Variants in UNC5C observed in about 807,000 individuals in gnomAD.
UNC5C encodes the protein netrin receptor UNC5C.
A neutral mutation model predicts 99.8 loss-of-function variants in UNC5C; 47 were observed. The observed-to-expected ratio is 0.47, with a 90% confidence interval of 0.37 to 0.60. The LOEUF (loss-of-function observed/expected upper bound fraction) is 0.60. UNC5C is among the 20% of genes least tolerant of loss of function. The pLI, the probability that UNC5C is intolerant of heterozygous loss-of-function variation, is 0.00. For missense variants in UNC5C, 1,062 were observed against 1,165.9 expected, an observed-to-expected ratio of 0.91 and a Z score of 1.30; for synonymous variants, 487 against 452.2, an observed-to-expected ratio of 1.08 and a Z score of -0.98.
Position 95,407,329 on chromosome 4 carries a change from C to A in UNC5C, c.125-71698G>T, listed in dbSNP as rs555151437. Among the ~76,000 whole-genome samples, 31 of 151,950 alleles carry A rather than the reference C, an allele frequency of 2.0e-4. No homozygotes were observed. In the South Asian group the frequency reaches 6.2e-3, roughly 31 times the overall value. On this transcript the variant is annotated intron_variant, in intron 1 of 15. Transcript: ENST00000453304. ...GAAGATGCTAAAGGGTATGTTTCAC[C>A]AGCTGTGGGGAGTAAAACATACAAT...
intron 1 of UNC5C, among the ~76,000 whole-genome samples, chr4:95,446,748 C>T (rs1747118144): frequency 6.6e-6 from 1 of 151,632 alleles, no homozygotes; most frequent in Admixed American, 6.6e-5. Flanking sequence ...TAAAACTGTA[C>T]ACTAAAATGG....
At chr4:95,507,442 A>T (rs1404310899) in intron 1 of UNC5C, among the ~76,000 whole-genome samples, 1 of 152,026 alleles carries the variant, frequency 6.6e-6, no homozygotes, top group Non-Finnish European at 1.5e-5. Context: ...CCTTTTTTAC[A>T]GTGTTGCATG....
At chr4:95,242,200 C>A (rs1402096583) in intron 7 of UNC5C, among the ~76,000 whole-genome samples, 2 of 152,158 alleles carry the variant, frequency 1.3e-5, no homozygotes, top group African/African-American at 4.8e-5. Context: ...AACCCTTGCT[C>A]ATGAAAAAGC....
chr4:95,512,210 C>A (rs1722095359), intron 1 of UNC5C, among the ~76,000 whole-genome samples: 1 of 152,060 alleles, frequency 6.6e-6, no homozygotes, highest in Non-Finnish European at 1.5e-5. Flanking sequence ...GATGAGGGAA[C>A]ACACGAAAAT....
intron 1 of UNC5C, among the ~76,000 whole-genome samples, chr4:95,480,106 G>A (rs1466770227): frequency 6.6e-6 from 1 of 151,460 alleles, no homozygotes; most frequent in Non-Finnish European, 1.5e-5. Flanking sequence ...TCTTCAACTT[G>A]CTTACTGGAA....
intron 1 of UNC5C, among the ~76,000 whole-genome samples, chr4:95,492,062 G>T (rs889171578): frequency 6.6e-6 from 1 of 151,526 alleles, no homozygotes; most frequent in African/African-American, 2.4e-5. Flanking sequence ...GTGTGTGAGG[G>T]TGTGTGTGTA....
chr4:95,182,779 T>C, intron 14 of UNC5C, 118 bp downstream of exon 14: 10 of 1,111,096 alleles, frequency 9.0e-6, no homozygotes, highest in Non-Finnish European at 1.2e-5. Flanking sequence ...ATAGGATCTA[T>C]AGAAAGCTTT....
At chr4:95,270,828 G>A (rs748382547) in intron 4 of UNC5C, among the ~76,000 whole-genome samples, 6 of 152,152 alleles carry the variant, frequency 3.9e-5, no homozygotes, top group Non-Finnish European at 5.9e-5. Context: ...CAGGGCAAAA[G>A]GGCAACAAAT....
At chr4:95,380,974 G>C (rs1745052265) in intron 1 of UNC5C, among the ~76,000 whole-genome samples, 1 of 152,090 alleles carries the variant, frequency 6.6e-6, no homozygotes, top group Admixed American at 6.5e-5. Flanking sequence ...ATGAATATTT[G>C]TTAAGTATGT....
intron 1 of UNC5C, among the ~76,000 whole-genome samples, chr4:95,388,317 T>C (rs1394466337): frequency 6.6e-6 from 1 of 152,220 alleles, no homozygotes; most frequent in Non-Finnish European, 1.5e-5. Context: ...ACTCATAGAA[T>C]GGTTTTAGAG....
intron 14 of UNC5C, among the ~76,000 whole-genome samples, chr4:95,178,111 C>G (rs894315116): frequency 2.0e-5 from 3 of 152,232 alleles, no homozygotes; most frequent in South Asian, 2.1e-4. Flanking sequence ...GGCTGTTCAC[C>G]TGTGCTTCCA....
chr4:95,485,060 C>T (rs574480783), intron 1 of UNC5C, among the ~76,000 whole-genome samples: 1 of 151,896 alleles, frequency 6.6e-6, no homozygotes, highest in East Asian at 2.0e-4. Flanking sequence ...AAAACAAATT[C>T]AGTGATGAAT....
intron 1 of UNC5C, 26 bp downstream of exon 1, chr4:95,548,708 C>T (rs375371057): frequency 1.2e-6 from 2 of 1,609,554 alleles, no homozygotes; most frequent in African/African-American, 1.3e-5. Context: ...AGGGAGGTGG[C>T]CGCGGAGCTT....
chr4:95,220,018 A>G lies in UNC5C; in HGVS notation c.1267T>C (p.Phe423Leu). ...IIDSSALNGG[F>L]QPVNIKAARQ... is the part of the protein sequence containing the mutation. ...GCTGCCTTGATGTTCACAGGCTGAAAGCCCCCATTGAGTGCCGAAGAGTCA... is the reference window on the plus strand; with the variant it reads ...GCTGCCTTGATGTTCACAGGCTGAAGGCCCCCATTGAGTGCCGAAGAGTCA... The change falls in exon 8 of 16, where the codon TTT becomes CTT. Residue 423 changes from phenylalanine to leucine, a missense_variant. Around this residue, in one of 3 missense-constraint regions of UNC5C, gnomAD observed 810 missense variants for 854.5 expected, o/e 0.95. Coordinates refer to ENST00000453304, the MANE Select transcript of UNC5C (RefSeq NM_003728.4). 6.2e-7 allele frequency: 1 copy of G among 1,614,094 alleles called. No homozygotes were observed. The highest frequency in any genetic ancestry group is 8.5e-7 in the Non-Finnish European group (1 of 1,179,944).
chr4:95,298,380 C>T (rs1741739967), intron 3 of UNC5C, among the ~76,000 whole-genome samples: 1 of 152,184 alleles, frequency 6.6e-6, no homozygotes, highest in Admixed American at 6.5e-5. Flanking sequence ...ATGCCAACTG[C>T]ACACACTGCT....
At chr4:95,437,075 G>C (rs1288300728) in intron 1 of UNC5C, among the ~76,000 whole-genome samples, 1 of 148,634 alleles carries the variant, frequency 6.7e-6, no homozygotes, top group Non-Finnish European at 1.5e-5. Context: ...GAAAAAACCT[G>C]ACAGAGCAAA....
At chr4:95,292,278 GTT>G (rs1222354890) in intron 3 of UNC5C, among the ~76,000 whole-genome samples, 42 of 121,980 alleles carry the variant, frequency 3.4e-4, no homozygotes, top group Admixed American at 6.1e-4. Context: ...AATTTTTTTT[GTT>G]TTTTTTTGAG....
intron 12 of UNC5C, among the ~76,000 whole-genome samples, chr4:95,198,730 C>G (rs1737532022): frequency 6.6e-6 from 1 of 152,020 alleles, no homozygotes; most frequent in Non-Finnish European, 1.5e-5. Context: ...TTCCTCTTGG[C>G]CTTGGGGTTT....
chr4:95,424,542 G>T (rs1311855447), intron 1 of UNC5C, among the ~76,000 whole-genome samples: 11 of 51,488 alleles, frequency 2.1e-4, no homozygotes, highest in African/African-American at 4.8e-4. Context: ...TTTTTTTTGA[G>T]ACAGCTTCTT....
Sources: allele counts gnomAD v4.1 joint callset (sites outside exome capture counted in the v4.1 genomes callset), GRCh38; gene constraint gnomAD v4.1.1; regional missense constraint gnomAD v4.1.1; transcripts MANE v1.5; gene names NCBI Gene and HGNC (gene_info 2026-07-23, HGNC 2026-07-21).